DYNLT3: variants seen among roughly 807,000 people sequenced by gnomAD.
DYNLT3 encodes protein 91/23.
DYNLT3 carries 4 observed loss-of-function variants against 11.0 expected under a neutral mutation model. That is an observed-to-expected ratio of 0.36 (90% CI 0.18 to 0.83). The LOEUF (loss-of-function observed/expected upper bound fraction) is 0.83, where lower values mean the gene tolerates loss of function less well. Ranked by LOEUF, DYNLT3 falls within the 40% of genes least tolerant of loss-of-function variation. The pLI, the probability that DYNLT3 is intolerant of heterozygous loss-of-function variation, is 0.47. For synonymous variants in DYNLT3, 37 were observed against 31.2 expected (o/e 1.18, Z -0.61); for missense variants, 91 against 91.1 (o/e 1.00, Z 0.01).
chrX:37,840,816 A>G (rs1467779792), intron 4 of DYNLT3, among the ~76,000 whole-genome samples, 165 bp from the exon 5 acceptor site: 1 of 106,474 alleles, frequency 9.4e-6, no homozygotes, highest in Non-Finnish European at 1.9e-5. Context: ...ATACACATAC[A>G]TTTTTCACAT....
At chrX:37,847,129 G>C (rs1930281107) in intron 1 of DYNLT3, 71 of 1,152,891 alleles carry the variant, frequency 6.2e-5, no homozygotes, top group Non-Finnish European at 8.0e-5. Context: ...CCAAGGGACG[G>C]AGGCAGCAGC....
intron 3 of DYNLT3, 152 bp from the exon 4 acceptor site, chrX:37,841,257 A>G: frequency 2.5e-6 from 1 of 406,897 alleles, no homozygotes; most frequent in East Asian, 4.2e-5. Flanking sequence ...CAGCAAATAG[A>G]TTGAAAAAAA....
intron 1 of DYNLT3, chrX:37,846,991 A>G (rs778914518): frequency 8.6e-7 from 1 of 1,163,224 alleles, no homozygotes; most frequent in East Asian, 3.3e-5. Context: ...GTCAGTAAGC[A>G]AGGGCTCGTA....
At position 37,841,157 on chromosome X, in the gene DYNLT3, C is replaced by G. The variant is rs372962078; in HGVS notation, c.197-52G>C. Reference sequence around the variant, plus strand: ...CACTTACAGACAAAGGAAAAGAGAACCAAGGTCAAAGTGTGTGAGTTCAGA... The same window carrying G: ...CACTTACAGACAAAGGAAAAGAGAAGCAAGGTCAAAGTGTGTGAGTTCAGA... On this transcript the variant is annotated intron_variant, in intron 3 of 4. Transcript: ENST00000378578. 6.4e-6 allele frequency: 7 copies of G among 1,089,190 alleles called. No homozygotes were observed. The Admixed American group carries it at 1.6e-4, about 25-fold the overall frequency. The allele number at this position is 1,089,190 out of a possible 1,213,427, so 89.8% of individuals were successfully genotyped here.
At chrX:37,841,968 C>A (rs1037398956) in intron 2 of DYNLT3, 63 bp from the exon 3 acceptor site, 3 of 968,883 alleles carry the variant, frequency 3.1e-6, no homozygotes, top group African/African-American at 3.9e-5. Flanking sequence ...ACAATTTTTA[C>A]ACAAATTGCA....
At position 37,842,381 on chromosome X, in the gene DYNLT3, G is replaced by A. The variant is rs180885608; in HGVS notation, c.73-476C>T. On this transcript the variant is annotated intron_variant, in intron 2 of 4. Coordinates refer to ENST00000378578, the MANE Select transcript of DYNLT3 (RefSeq NM_006520.3). The stretch of plus-strand genomic sequence containing the variant: ...ACTAATTTAAAAACATAATTCTTAT[G>A]TATACTAATTATATTCTCATTCATA... Among the ~76,000 whole-genome samples the A allele has an allele frequency of 5.6e-3, 619 of 111,511 alleles. 3 individuals are homozygous for A. The highest frequency in any genetic ancestry group is 0.019 in the African/African-American group (581 of 30,669).
chrX:37,841,156 A>C, intron 3 of DYNLT3, 51 bp from the exon 4 acceptor site: 6 of 1,094,874 alleles, frequency 5.5e-6, no homozygotes, highest in Non-Finnish European at 7.5e-6. Context: ...GGAAAAGAGA[A>C]CCAAGGTCAA....
chrX:37,845,372 A>T lies in DYNLT3; in HGVS notation c.72+945T>A, dbSNP rs1026861205. 3.6e-5 allele frequency among the ~76,000 whole-genome samples: 4 copies of T among 112,307 alleles called. 1 individual carries two copies. Among genetic ancestry groups the T allele is most frequent in the African/African-American group, 1.3e-4 (4 of 30,906 alleles). On this transcript the variant is annotated intron_variant, in intron 2 of 4. Transcript: ENST00000378578. ...ATACCTTTCCCACACTGTGGTCTGT[A>T]TGTGATACCTCTAAAATAATGAACG...
intron 2 of DYNLT3, among the ~76,000 whole-genome samples, 174 bp downstream of exon 2, chrX:37,846,143 C>T (rs1930262468): frequency 8.9e-6 from 1 of 112,281 alleles, no homozygotes. Context: ...TGTTCTCCAG[C>T]ATGGGTGACA....
chrX:37,845,029 G>C (rs1930240738), intron 2 of DYNLT3, among the ~76,000 whole-genome samples: 1 of 111,573 alleles, frequency 9.0e-6, no homozygotes, highest in African/African-American at 3.3e-5. Flanking sequence ...ATCCCAAATA[G>C]CCCAGCATTC....
chrX:37,845,665 C>T (rs1027197192), intron 2 of DYNLT3, among the ~76,000 whole-genome samples: 3 of 111,845 alleles, frequency 2.7e-5, no homozygotes, highest in African/African-American at 6.5e-5. Flanking sequence ...CATATATATG[C>T]GTACATATAC....
Position 37,839,253 on chromosome X carries a change from G to C in DYNLT3, c.*1322C>G, listed in dbSNP as rs746824403. On this transcript the variant is annotated 3_prime_UTR_variant, in exon 5 of 5. Transcript: ENST00000378578. ...TGAGTTATGGTTCCGCTCTCTATAT[G>C]TATTAGTGTTAGTGGTAATATGCAA... The C allele has an allele frequency of 1.7e-4, 19 of 111,996 alleles. No individual in the cohort carries two copies. Among genetic ancestry groups the C allele is most frequent in the African/African-American group, 5.8e-4 (18 of 30,827 alleles). 9.2% of individuals were successfully genotyped at this position (111,996 alleles called of 1,213,427 possible). A position where few individuals can be genotyped will look rare whatever the true frequency, so the allele number is the denominator to read the frequency against.
Position 37,840,751 on chromosome X carries a change from TAC to T in DYNLT3, c.275-102_275-101del, listed in dbSNP as rs748163046. ...ACACACACACACACACACACACATA[TAC>T]ACACACACACACACACACACACACA... On this transcript the variant is annotated intron_variant, in intron 4 of 4. Transcript: ENST00000378578. 2.4e-3 allele frequency: 761 copies of T among 315,568 alleles called. 9 individuals carry two copies. The highest frequency in any genetic ancestry group is 4.3e-3 in the African/African-American group (110 of 25,413). 26.0% of individuals were successfully genotyped at this position (315,568 alleles called of 1,213,427 possible).
intron 1 of DYNLT3, 164 bp downstream of exon 1, chrX:37,847,317 C>G: frequency 1.1e-6 from 1 of 876,088 alleles, no homozygotes; most frequent in Non-Finnish European, 1.5e-6. Flanking sequence ...GTGGGGAGAA[C>G]GGGTCGGGCG....
At chrX:37,843,321 C>T (rs1055628509) in intron 2 of DYNLT3, among the ~76,000 whole-genome samples, 3 of 112,330 alleles carry the variant, frequency 2.7e-5, no homozygotes, top group Non-Finnish European at 5.6e-5. Flanking sequence ...TAAGAGCACT[C>T]ATTTTTCTTT....
At chrX:37,842,147 T>C (rs927337082) in intron 2 of DYNLT3, among the ~76,000 whole-genome samples, 2 of 111,623 alleles carry the variant, frequency 1.8e-5, no homozygotes, top group African/African-American at 6.5e-5. Flanking sequence ...CATATAAAGA[T>C]AAATATGTCA....
chrX:37,847,431 C>A, intron 1 of DYNLT3, 50 bp downstream of exon 1: 2 of 1,006,261 alleles, frequency 2.0e-6, no homozygotes, highest in Non-Finnish European at 2.5e-6. Flanking sequence ...GAGCCCCGCG[C>A]AGAGGAAGGC....
In DYNLT3 at chrX:37,847,529, T is replaced by C; in HGVS notation, c.-19A>G. 2 of 969,059 alleles carry C rather than the reference T, an allele frequency of 2.1e-6. No homozygotes were observed. The highest frequency in any genetic ancestry group is 2.6e-6 in the Non-Finnish European group (2 of 769,204). 79.9% of individuals were successfully genotyped at this position (969,059 alleles called of 1,213,427 possible). On this transcript the variant is annotated 5_prime_UTR_variant, in exon 1 of 5. Coordinates refer to ENST00000378578, the MANE Select transcript of DYNLT3 (RefSeq NM_006520.3). ...CCTCCATGGTAGCGCCGGCTCTCCC[T>C]GGGGCGGAGCGACACGCCGGTAGAG... is the stretch of plus-strand genomic sequence containing the variant.
Position 37,839,778 on chromosome X carries a change from T to G in DYNLT3, c.*797A>C, listed in dbSNP as rs982125275. 3 of 112,770 alleles carry G rather than the reference T, an allele frequency of 2.7e-5. No homozygotes were observed. Among genetic ancestry groups the G allele is most frequent in the African/African-American group, 9.7e-5 (3 of 30,964 alleles). 9.3% of individuals were successfully genotyped at this position (112,770 alleles called of 1,213,427 possible). Reference sequence around the variant, plus strand: ...CAATTGCTAAAAGGAACTTAGCATTTGCACAGCACATTGACAACTATGGTG... The same window carrying G: ...CAATTGCTAAAAGGAACTTAGCATTGGCACAGCACATTGACAACTATGGTG... On this transcript the variant is annotated 3_prime_UTR_variant, in exon 5 of 5. Coordinates refer to ENST00000378578, the MANE Select transcript of DYNLT3 (RefSeq NM_006520.3).
Sources: gnomAD v4.1 joint callset for allele counts (sites outside exome capture counted in the v4.1 genomes callset) on GRCh38, gnomAD v4.1.1 for gene constraint, MANE v1.5 for transcripts, NCBI Gene and HGNC (gene_info 2026-07-23, HGNC 2026-07-21) for gene names.